Variants in NAALADL2 observed in about 807,000 individuals in gnomAD.
The protein encoded by NAALADL2 is N-acetylated alpha-linked acidic dipeptidase like 2, also known as inactive N-acetylated-alpha-linked acidic dipeptidase-like protein 2.
A neutral mutation model predicts 87.2 loss-of-function variants in NAALADL2; 76 were observed. That is an observed-to-expected ratio of 0.87 (90% CI 0.72 to 1.05). The LOEUF (loss-of-function observed/expected upper bound fraction) is 1.05, where lower values mean the gene tolerates loss of function less well. Ranked by LOEUF, NAALADL2 falls within the 50% of genes least tolerant of loss-of-function variation. The pLI is 0.00. For missense variants in NAALADL2, 1,089 were observed against 945.8 expected, an observed-to-expected ratio of 1.15 and a Z score of -1.99; for synonymous variants, 354 against 331.0, an observed-to-expected ratio of 1.07 and a Z score of -0.75.
rs543778773 is a variant in NAALADL2 at position 175,088,764 on chromosome 3, A to G, written c.44-8026A>G. Among the ~76,000 whole-genome samples, 13 of 152,328 alleles carry G rather than the reference A, an allele frequency of 8.5e-5. No homozygotes were observed. In the East Asian group the frequency reaches 2.3e-3, roughly 27 times the overall value. ...TTCACCCTGGCTGAAAAGATGAAAA[A>G]TTGCAGTGTATCTATCAAGCTATGA... On this transcript the variant is annotated intron_variant, in intron 1 of 13. Coordinates refer to ENST00000454872, the MANE Select transcript of NAALADL2 (RefSeq NM_207015.3).
chr3:175,101,478 T>G (rs1722160035), intron 2 of NAALADL2, among the ~76,000 whole-genome samples: 1 of 152,224 alleles, frequency 6.6e-6, no homozygotes, highest in African/African-American at 2.4e-5. Context: ...GTACAATGTT[T>G]CATTTCTATT....
Position 175,096,776 on chromosome 3 carries a change from T to C in NAALADL2, c.44-14T>C, listed in dbSNP as rs1721234897. 1 of 1,425,270 alleles carries C rather than the reference T, an allele frequency of 7.0e-7. No homozygotes were observed. The highest frequency in any genetic ancestry group is 1.4e-5 in the African/African-American group (1 of 69,204). The allele number at this position is 1,425,270 out of a possible 1,614,324, so 88.3% of individuals were successfully genotyped here. On this transcript the variant is annotated splice_polypyrimidine_tract_variant and intron_variant, in intron 1 of 13. Coordinates refer to ENST00000454872, the MANE Select transcript of NAALADL2 (RefSeq NM_207015.3). The stretch of plus-strand genomic sequence containing the variant: ...TGTTTATTTTATTAAAATATATTTT[T>C]CTTATTTTCACAGGTAAAAAGATGG...
intron 1 of NAALADL2, among the ~76,000 whole-genome samples, chr3:174,490,265 A>T (rs1718100641): frequency 6.6e-6 from 1 of 152,112 alleles, no homozygotes; most frequent in Non-Finnish European, 1.5e-5. Flanking sequence ...ACACAAATGA[A>T]CCTTAAAAAC....
chr3:174,657,778 G>C (rs1342399977), intron 2 of NAALADL2, among the ~76,000 whole-genome samples: 1 of 151,930 alleles, frequency 6.6e-6, no homozygotes, highest in Non-Finnish European at 1.5e-5. Flanking sequence ...CTATGTTCTT[G>C]CCTATTCATT....
chr3:175,310,734 A>T (rs1182184824), intron 4 of NAALADL2, among the ~76,000 whole-genome samples: 1 of 151,968 alleles, frequency 6.6e-6, no homozygotes, highest in Non-Finnish European at 1.5e-5. Context: ...CACTATGGTC[A>T]TTTTTTATCT....
At chr3:175,454,728 A>AT (rs1241656354) in intron 6 of NAALADL2, among the ~76,000 whole-genome samples, 1 of 152,038 alleles carries the variant, frequency 6.6e-6, no homozygotes, top group Non-Finnish European at 1.5e-5. Context: ...TTTATTTGGC[A>AT]TTATAAGTTA....
intron 2 of NAALADL2, among the ~76,000 whole-genome samples, chr3:175,125,247 C>T (rs1414829922): frequency 2.0e-5 from 3 of 151,936 alleles, no homozygotes; most frequent in Non-Finnish European, 4.4e-5. Flanking sequence ...GGTTAACATA[C>T]TGGATAGTAC....
intron 5 of NAALADL2, among the ~76,000 whole-genome samples, chr3:175,338,563 G>C (rs1762233265): frequency 7.5e-6 from 1 of 133,378 alleles, no homozygotes; most frequent in South Asian, 2.5e-4. Flanking sequence ...GTCAATTTAG[G>C]AGCAGCAGAG....
chr3:175,748,810 T>C (rs1057180844), intron 12 of NAALADL2, among the ~76,000 whole-genome samples: 3 of 151,842 alleles, frequency 2.0e-5, no homozygotes, highest in Non-Finnish European at 4.4e-5. Flanking sequence ...CTCCTTAGAA[T>C]AGGAAAATTA....
chr3:175,697,785 G>A (rs902981480), intron 11 of NAALADL2, among the ~76,000 whole-genome samples: 1 of 142,250 alleles, frequency 7.0e-6, no homozygotes, highest in Non-Finnish European at 1.5e-5. Flanking sequence ...ACATATATAT[G>A]TGTGTGTATA....
rs79896733 is a variant in NAALADL2, at chr3:175,428,078, G to T, written c.1091-19151G>T. Among the ~76,000 whole-genome samples, 557 of 152,082 alleles carry T rather than the reference G, an allele frequency of 3.7e-3. 3 individuals are homozygous for T. The highest frequency in any genetic ancestry group is 0.012 in the African/African-American group (507 of 41,504). On this transcript the variant is annotated intron_variant, in intron 5 of 13. Transcript: ENST00000454872. ...TAAAGATCACTGTTTCATCTTTACA[G>T]CTGTGTCATCATTCCCCAGATTTAG... is the stretch of plus-strand genomic sequence containing the variant.
intron 9 of NAALADL2, among the ~76,000 whole-genome samples, chr3:175,491,361 C>T (rs899384133): frequency 3.3e-5 from 5 of 151,484 alleles, no homozygotes; most frequent in Admixed American, 2.6e-4. Flanking sequence ...AATTTTGTCT[C>T]CCCACTTTTC....
At position 175,234,108 on chromosome 3, in the gene NAALADL2, T is replaced by C. The variant is rs2109490378; in HGVS notation, c.723T>C (p.His241=). Residue 241 remains histidine, a synonymous_variant, in exon 3 of 14, where the codon CAT becomes CAC. Transcript: ENST00000454872. ...TGAGCAGCAGTGGTCAATGCTTTCA[T>C]CCTAATGGCCAGCCTTGCAGTGAAG... The part of the protein sequence containing the change: ...VTLSSSGQCF[H]PNGQPCSEEA... 1.2e-6 allele frequency: 2 copies of C among 1,613,868 alleles called. No individual in the cohort carries two copies. Among genetic ancestry groups the C allele is most frequent in the Non-Finnish European group, 1.7e-6 (2 of 1,179,830 alleles).
At chr3:174,908,925 T>C (rs955586094) in intron 1 of NAALADL2, among the ~76,000 whole-genome samples, 2 of 151,870 alleles carry the variant, frequency 1.3e-5, no homozygotes, top group African/African-American at 4.8e-5. Context: ...GCAACCTTGA[T>C]GATAAAGGAA....
chr3:174,489,888 C>CCTTG (rs1330270707), intron 1 of NAALADL2, among the ~76,000 whole-genome samples: 1 of 150,986 alleles, frequency 6.6e-6, no homozygotes, highest in Non-Finnish European at 1.5e-5. Context: ...TATAAGTAAC[C>CCTTG]CTTATATGCA....
intron 13 of NAALADL2, among the ~76,000 whole-genome samples, chr3:175,759,244 T>C (rs1029023387): frequency 1.1e-4 from 16 of 151,746 alleles, no homozygotes; most frequent in African/African-American, 3.9e-4. Context: ...ATATATCAAA[T>C]ACAGGTACAG....
At position 175,332,315 on chromosome 3, in the gene NAALADL2, T is replaced by C. The variant is rs188872501; in HGVS notation, c.1090+7990T>C. The stretch of plus-strand genomic sequence containing the variant: ...CCTGGAGACATTACAGCACCTGACT[T>C]CAAAGTATATTACAAGCATATAGTA... On this transcript the variant is annotated intron_variant, in intron 5 of 13. Coordinates refer to ENST00000454872, the MANE Select transcript of NAALADL2 (RefSeq NM_207015.3). Among the ~76,000 whole-genome samples, 29 of 152,214 alleles carry C rather than the reference T, an allele frequency of 1.9e-4. 1 individual carries two copies. The East Asian group carries it at 5.6e-3, about 29-fold the overall frequency.
At chr3:174,659,286 TTAATATAACTTAG>T (rs2108774482) in intron 2 of NAALADL2, among the ~76,000 whole-genome samples, 1 of 152,316 alleles carries the variant, frequency 6.6e-6, no homozygotes, top group South Asian at 2.1e-4. Context: ...ATGACGTTTA[TTAATATAACTTAG>T]AAGCAAAGAG....
intron 10 of NAALADL2, among the ~76,000 whole-genome samples, chr3:175,612,399 T>C (rs1274371549): frequency 6.6e-6 from 1 of 152,214 alleles, no homozygotes; most frequent in African/African-American, 2.4e-5. Context: ...CCTGGTTTCA[T>C]TTCCCTGGGT....
Sources: allele counts gnomAD v4.1 joint callset (sites outside exome capture counted in the v4.1 genomes callset), GRCh38; gene constraint gnomAD v4.1.1; transcripts MANE v1.5; gene names NCBI Gene and HGNC (gene_info 2026-07-23, HGNC 2026-07-21).